Variants in EBF3 observed in about 807,000 individuals in gnomAD.
EBF3 encodes the protein transcription factor COE3.
A neutral mutation model predicts 77.1 loss-of-function variants in EBF3; 18 were observed. The ratio of observed to expected loss-of-function variants is 0.23; its 90% CI spans 0.16 to 0.35. The LOEUF (loss-of-function observed/expected upper bound fraction) is 0.35. Among genes scored for constraint, EBF3 ranks in the 10% least tolerant of loss-of-function variants. The pLI is 1.00. For missense variants in EBF3, 558 were observed against 860.0 expected (o/e 0.65, Z 4.39); for synonymous variants, 350 against 343.5 (o/e 1.02, Z -0.21).
chr10:129,960,564 G>T (rs1859426637), intron 4 of EBF3, among the ~76,000 whole-genome samples: 1 of 151,218 alleles, frequency 6.6e-6, no homozygotes, highest in South Asian at 2.1e-4. Flanking sequence ...AGCACAAACA[G>T]AAATCCATAA....
chr10:129,937,922 A>G (rs1857470939), intron 6 of EBF3, among the ~76,000 whole-genome samples: 1 of 152,240 alleles, frequency 6.6e-6, no homozygotes, highest in South Asian at 2.1e-4. Context: ...AGCATGATGA[A>G]AACTCACATT....
intron 10 of EBF3, among the ~76,000 whole-genome samples, chr10:129,865,425 G>A (rs1367859634): frequency 1.3e-5 from 2 of 152,150 alleles, no homozygotes; most frequent in African/African-American, 4.8e-5. Context: ...GTCTTACATG[G>A]AAGCCAAGAG....
chr10:129,927,022 G>A (rs1175233178), intron 6 of EBF3, among the ~76,000 whole-genome samples: 1 of 152,242 alleles, frequency 6.6e-6, no homozygotes, highest in African/African-American at 2.4e-5. Flanking sequence ...CTTGGGCAGT[G>A]CCATTGGCCA....
At chr10:129,856,413 C>T (rs1049449964) in intron 10 of EBF3, among the ~76,000 whole-genome samples, 9 of 152,062 alleles carry the variant, frequency 5.9e-5, no homozygotes, top group Non-Finnish European at 1.3e-4. Context: ...AGGAGCAAAA[C>T]CTTGATACCT....
intron 16 of EBF3, 48 bp downstream of exon 16, chr10:129,839,035 C>A (rs780806796): frequency 1.5e-6 from 2 of 1,302,306 alleles, no homozygotes; most frequent in South Asian, 2.5e-5. Flanking sequence ...GGCGTCCCTT[C>A]ATACGCTAAC....
intron 6 of EBF3, among the ~76,000 whole-genome samples, chr10:129,910,614 C>T (rs150563590): frequency 4.6e-5 from 7 of 152,196 alleles, no homozygotes; most frequent in East Asian, 1.9e-4. Context: ...GCCAGGTGTA[C>T]GGATTGTCCA....
intron 6 of EBF3, among the ~76,000 whole-genome samples, chr10:129,907,660 C>G (rs1366449053): frequency 6.6e-6 from 1 of 152,094 alleles, no homozygotes; most frequent in Non-Finnish European, 1.5e-5. Flanking sequence ...AACAGCGAAA[C>G]ATGTTAAAAA....
chr10:129,854,810 G>A lies in EBF3; in HGVS notation c.1040-6330C>T, dbSNP rs143871745. Among the ~76,000 whole-genome samples the A allele has an allele frequency of 2.2e-3, 333 of 152,300 alleles. 1 individual carries two copies. Among genetic ancestry groups the A allele is most frequent in the Non-Finnish European group, 3.0e-3 (203 of 68,038 alleles). Reference sequence around the variant, plus strand: ...GCAATGAATTTCAATCACAGCACTCGGCAGGGTGAGCCAGGCATTGTGGTG... The same window carrying A: ...GCAATGAATTTCAATCACAGCACTCAGCAGGGTGAGCCAGGCATTGTGGTG... On this transcript the variant is annotated intron_variant, in intron 10 of 16. Transcript: ENST00000440978.
In EBF3 at chr10:129,947,426, T is replaced by C. The variant is rs146063365; in HGVS notation, c.554+9832A>G. Among the ~76,000 whole-genome samples, 147 of 152,320 alleles carry C rather than the reference T, an allele frequency of 9.7e-4. No individual in the cohort carries two copies. The highest frequency in any genetic ancestry group is 3.4e-3 in the Middle Eastern group (1 of 294). Reference sequence around the variant, plus strand: ...TTTGGCAATTAGGAAAATTTGTACTTTAATTTATTAAACCAAAAAAGCCAA... The same window carrying C: ...TTTGGCAATTAGGAAAATTTGTACTCTAATTTATTAAACCAAAAAAGCCAA... On this transcript the variant is annotated intron_variant, in intron 6 of 16. Transcript: ENST00000440978. The surrounding 1 kb of genome is among the most constrained non-coding windows in gnomAD (Gnocchi z 4.5).
intron 11 of EBF3, chr10:129,845,807 A>C (rs543704541): frequency 6.6e-6 from 1 of 152,340 alleles, no homozygotes; most frequent in African/African-American, 2.4e-5. Context: ...ACAGAAAAAA[A>C]ACTCAGATGA....
intron 10 of EBF3, among the ~76,000 whole-genome samples, chr10:129,849,994 C>T (rs1850745710): frequency 1.3e-5 from 2 of 152,262 alleles, no homozygotes; most frequent in Admixed American, 6.5e-5. Context: ...TCTGCCTAGG[C>T]CCAGGCCAGA....
Position 129,962,168 on chromosome 10 carries a change from C to A in EBF3, c.411+3G>T, listed in dbSNP as rs1215383125. ...ACTCGTGCAGAGGCATAAACTTTCT[C>A]ACCTGTTTGGTCATTGAATCTATGA... On this transcript the variant is annotated splice_donor_region_variant and intron_variant, in intron 4 of 16. Coordinates refer to ENST00000440978, the MANE Select transcript of EBF3 (RefSeq NM_001375380.1). 1 of 1,614,120 alleles carries A rather than the reference C, an allele frequency of 6.2e-7. No homozygotes were observed. Among genetic ancestry groups the A allele is most frequent in the Admixed American group, 1.7e-5 (1 of 60,016 alleles).
rs1006316410 is a variant in EBF3 at position 129,897,388 on chromosome 10, C to A, written c.555-19539G>T. Among the ~76,000 whole-genome samples the A allele has an allele frequency of 2.0e-5, 3 of 152,162 alleles. No homozygotes were observed. The highest frequency in any genetic ancestry group is 4.4e-5 in the Non-Finnish European group (3 of 68,028). ...TTTGTGGAACCAGAGCAGAGCCCAGCGGTGCCACCCATCTGGAAGGCGGTG... is the reference window on the plus strand; with the variant it reads ...TTTGTGGAACCAGAGCAGAGCCCAGAGGTGCCACCCATCTGGAAGGCGGTG... On this transcript the variant is annotated intron_variant, in intron 6 of 16. Coordinates refer to ENST00000440978, the MANE Select transcript of EBF3 (RefSeq NM_001375380.1). This position sits in a 1 kb window ranked among gnomAD's most constrained non-coding sequence, Gnocchi z 4.6.
chr10:129,914,876 C>T (rs1855769586), intron 6 of EBF3, among the ~76,000 whole-genome samples: 3 of 152,182 alleles, frequency 2.0e-5, no homozygotes, highest in African/African-American at 4.8e-5. Flanking sequence ...CTCAGGGTCC[C>T]CTAGGGCATC....
intron 16 of EBF3, 61 bp downstream of exon 16, chr10:129,839,022 C>G: frequency 7.7e-7 from 1 of 1,291,908 alleles, no homozygotes; most frequent in Non-Finnish European, 1.0e-6. Context: ...CTTCGGGGGC[C>G]TGGGCGTCCC....
chr10:129,958,431 C>T lies in EBF3; in HGVS notation c.485+503G>A, dbSNP rs150051437. Among the ~76,000 whole-genome samples, 10 of 152,310 alleles carry T rather than the reference C, an allele frequency of 6.6e-5. No individual in the cohort carries two copies. In the East Asian group the frequency reaches 1.7e-3, roughly 26 times the overall value. ...TCTGACAGAGATCTCAAGTAACGGG[C>T]ACGCTATCTAACAACGACACGAACG... On this transcript the variant is annotated intron_variant, in intron 5 of 16. Transcript: ENST00000440978.
In EBF3 at chr10:129,926,855, C is replaced by G. The variant is rs371336073; in HGVS notation, c.554+30403G>C. 5.8e-4 allele frequency among the ~76,000 whole-genome samples: 89 copies of G among 152,308 alleles called. 4 individuals are homozygous for G. The highest frequency in any genetic ancestry group is 2.0e-3 in the African/African-American group (82 of 41,578). ...GCCACGGCCAGCACTGCCCACCCCA[C>G]GTGGAGGCTTCAGGTGTGCTCAGCG... On this transcript the variant is annotated intron_variant, in intron 6 of 16. Coordinates refer to ENST00000440978, the MANE Select transcript of EBF3 (RefSeq NM_001375380.1).
chr10:129,921,363 C>T (rs1045509799), intron 6 of EBF3, among the ~76,000 whole-genome samples: 2 of 152,064 alleles, frequency 1.3e-5, no homozygotes, highest in Admixed American at 6.5e-5. Context: ...TGGTCACAAC[C>T]AAAAAGGCCT....
rs1003699857 is a variant in EBF3 at position 129,938,697 on chromosome 10, A to G, written c.554+18561T>C. On this transcript the variant is annotated intron_variant, in intron 6 of 16. Transcript: ENST00000440978. The surrounding 1 kb of genome is among the most constrained non-coding windows in gnomAD (Gnocchi z 5.1). ...TTGTCCACGAGAAAGGTGCGGCTGC[A>G]ACCGACGAGCACTGCCTTGTGTCCT... 3.9e-5 allele frequency among the ~76,000 whole-genome samples: 6 copies of G among 152,240 alleles called. No homozygotes were observed. Among genetic ancestry groups the G allele is most frequent in the Admixed American group, 6.5e-5 (1 of 15,286 alleles).
Sources: allele counts gnomAD v4.1 joint callset (sites outside exome capture counted in the v4.1 genomes callset), GRCh38; gene constraint gnomAD v4.1.1; non-coding constraint Gnocchi (gnomAD v3.1); transcripts MANE v1.5; gene names NCBI Gene and HGNC (gene_info 2026-07-23, HGNC 2026-07-21).